LIFR: variants seen among roughly 807,000 people sequenced by gnomAD.
LIFR encodes LIF receptor subunit alpha.
A neutral mutation model predicts 122.2 loss-of-function variants in LIFR; 84 were observed. The ratio of observed to expected loss-of-function variants is 0.69; its 90% CI spans 0.58 to 0.82. LIFR has a LOEUF of 0.82. Ranked by LOEUF, LIFR falls within the 40% of genes least tolerant of loss-of-function variation. The pLI is 0.00. For synonymous variants in LIFR, 422 were observed against 434.7 expected, an observed-to-expected ratio of 0.97 and a Z score of 0.36; for missense variants, 1,294 against 1,311.6, an observed-to-expected ratio of 0.99 and a Z score of 0.21.
At chr5:38,603,089 A>T (rs1750254520) in intron 2 of LIFR, among the ~76,000 whole-genome samples, 2 of 152,184 alleles carry the variant, frequency 1.3e-5, no homozygotes, top group Admixed American at 1.3e-4. Flanking sequence ...ACCCTAAGGG[A>T]AAAGGGTACA....
At chr5:38,572,730 C>T (rs894256838) in intron 1 of LIFR, among the ~76,000 whole-genome samples, 3 of 152,300 alleles carry the variant, frequency 2.0e-5, no homozygotes, top group African/African-American at 7.2e-5. Context: ...TGGTTGTTAA[C>T]AATAGCTACC....
chr5:38,516,578 G>A (rs1426501318), intron 5 of LIFR, among the ~76,000 whole-genome samples: 1 of 152,204 alleles, frequency 6.6e-6, no homozygotes, highest in African/African-American at 2.4e-5. Flanking sequence ...AGAGGATGTG[G>A]AGAAATAGGA....
At chr5:38,499,418 G>C (rs1745058221) in intron 12 of LIFR, 95 bp downstream of exon 12, 2 of 844,360 alleles carry the variant, frequency 2.4e-6, no homozygotes, top group South Asian at 2.8e-5. Flanking sequence ...AAGCCAGTCT[G>C]GGAAGTTTCA....
chr5:38,517,705 A>C (rs1746160969), intron 5 of LIFR, among the ~76,000 whole-genome samples: 1 of 151,474 alleles, frequency 6.6e-6, no homozygotes, highest in African/African-American at 2.4e-5. Flanking sequence ...AAAATACAAA[A>C]AGTTAGTCGG....
Position 38,502,783 on chromosome 5 carries a change from T to C in LIFR, c.1454A>G (p.Lys485Arg), listed in dbSNP as rs751771738. Reference sequence around the variant, plus strand: ...AAGATAACTTGAATTTTCTACTCCTTTGATTGTGACATTCCGCTATTGGAA... The same window carrying C: ...AAGATAACTTGAATTTTCTACTCCTCTGATTGTGACATTCCGCTATTGGAA... ...SVQEQRNVTI[K>R]GVENSSYLVA... The change falls in exon 11 of 20, where the codon AAA becomes AGA. Residue 485 changes from lysine to arginine, a missense_variant. Coordinates refer to ENST00000453190, the MANE Select transcript of LIFR (RefSeq NM_001127671.2). 7 of 1,599,516 alleles carry C rather than the reference T, an allele frequency of 4.4e-6. No homozygotes were observed. The highest frequency in any genetic ancestry group is 4.5e-5 in the East Asian group (2 of 44,712).
At chr5:38,556,994 A>T (rs1748614870), upstream of LIFR, 1 of 152,166 alleles carries the variant, frequency 6.6e-6, no homozygotes, top group Non-Finnish European at 1.5e-5. Flanking sequence ...GCCTCCCCGA[A>T]TGCGGCCGCT....
Position 38,574,070 on chromosome 5 carries a change from G to A in LIFR, c.-20+21191C>T, listed in dbSNP as rs555902279. Among the ~76,000 whole-genome samples, 57 of 152,002 alleles carry A rather than the reference G, an allele frequency of 3.7e-4. 1 individual carries two copies. The highest frequency in any genetic ancestry group is 3.8e-4 in the Non-Finnish European group (26 of 67,934). On this transcript the variant is annotated intron_variant, in intron 1 of 19. Coordinates refer to the LIFR transcript ENST00000263409. ...GGCAGAGGTTGCAGTGAGCCGAGAT[G>A]GCACCACTGCTTTCCAGCCTGGGCA...
At chr5:38,556,127 A>T (rs1264923043) in intron 1 of LIFR, among the ~76,000 whole-genome samples, 1 of 152,128 alleles carries the variant, frequency 6.6e-6, no homozygotes, top group Non-Finnish European at 1.5e-5. Context: ...TGGGCGCTGG[A>T]GTCCGCGTCC....
upstream of LIFR, among the ~76,000 whole-genome samples, chr5:38,596,089 G>A (rs1750091393): frequency 1.3e-5 from 2 of 152,186 alleles, no homozygotes; most frequent in South Asian, 4.1e-4. Context: ...AAGGGAAGAT[G>A]AATTGTGATA....
Position 38,504,124 on chromosome 5 carries a change from G to A in LIFR, c.1292-3C>T, listed in dbSNP as rs368498212. 3 of 1,518,336 alleles carry A rather than the reference G, an allele frequency of 2.0e-6. No homozygotes were observed. Among genetic ancestry groups the A allele is most frequent in the Non-Finnish European group, 1.8e-6 (2 of 1,094,152 alleles). The allele number at this position is 1,518,336 out of a possible 1,614,324, so 94.1% of individuals were successfully genotyped here. ...TGAAGTAGGAGTATGGGGATAAACT[G>A]CAAATATAATTTTTAAAGATTAAAC... On this transcript the variant is annotated splice_region_variant and splice_polypyrimidine_tract_variant and intron_variant, in intron 9 of 19. Coordinates refer to ENST00000453190, the MANE Select transcript of LIFR (RefSeq NM_001127671.2).
chr5:38,509,519 G>C (rs892855967), intron 7 of LIFR, among the ~76,000 whole-genome samples: 10 of 152,184 alleles, frequency 6.6e-5, no homozygotes, highest in African/African-American at 2.4e-4. Flanking sequence ...AGTACTGTAT[G>C]AGTAAACGAG....
At position 38,480,799 on chromosome 5, in the gene LIFR, T is replaced by C; in HGVS notation, c.*796A>G. On this transcript the variant is annotated 3_prime_UTR_variant, in exon 20 of 20. Transcript: ENST00000453190. ...ATGATTTTTAAAAAATGTGGGTCTC[T>C]AGTCTTAGAAGTGTAAATTTTAAAT... 4.7e-6 allele frequency: 1 copy of C among 214,312 alleles called. No individual in the cohort carries two copies. The highest frequency in any genetic ancestry group is 9.4e-6 in the Non-Finnish European group (1 of 106,130). The allele number at this position is 214,312 out of a possible 1,614,324, so 13.3% of individuals were successfully genotyped here. A position where few individuals can be genotyped will look rare whatever the true frequency, so the allele number is the denominator to read the frequency against.
chr5:38,523,885 T>C (rs1332662022), intron 4 of LIFR, among the ~76,000 whole-genome samples: 1 of 152,170 alleles, frequency 6.6e-6, no homozygotes, highest in Non-Finnish European at 1.5e-5. Flanking sequence ...GGGGAACATA[T>C]ATATTATTTA....
intron 1 of LIFR, among the ~76,000 whole-genome samples, chr5:38,554,337 C>T (rs1033328767): frequency 3.9e-5 from 6 of 152,180 alleles, no homozygotes; most frequent in Non-Finnish European, 8.8e-5. Flanking sequence ...GGGGAGAAGG[C>T]ACACTTATTT....
intron 7 of LIFR, 67 bp downstream of exon 7, chr5:38,510,397 A>G: frequency 7.0e-7 from 1 of 1,432,488 alleles, no homozygotes; most frequent in Non-Finnish European, 9.7e-7. Flanking sequence ...ACTCCAGAAG[A>G]ATTAAGGCTT....
chr5:38,603,967 A>T (rs761199949), intron 2 of LIFR, among the ~76,000 whole-genome samples: 1 of 152,232 alleles, frequency 6.6e-6, no homozygotes, highest in Non-Finnish European at 1.5e-5. Flanking sequence ...ATCTCCAGCC[A>T]CAATACCGGA....
chr5:38,488,408 G>A (rs564920387), intron 16 of LIFR, among the ~76,000 whole-genome samples: 13 of 152,256 alleles, frequency 8.5e-5, no homozygotes, highest in African/African-American at 2.6e-4. Flanking sequence ...GGACATGAAA[G>A]CTCTCAAACT....
chr5:38,574,792 CCTAAG>C (rs1383307270), intron 1 of LIFR, among the ~76,000 whole-genome samples: 2 of 152,186 alleles, frequency 1.3e-5, no homozygotes, highest in Non-Finnish European at 2.9e-5. Context: ...ACAGTCTTTT[CCTAAG>C]CTCTGGACTT....
At chr5:38,553,864 C>A (rs889360269) in intron 1 of LIFR, among the ~76,000 whole-genome samples, 1 of 151,178 alleles carries the variant, frequency 6.6e-6, no homozygotes, top group African/African-American at 2.4e-5. Context: ...GCTGACGAGA[C>A]CCCAATTTTT....
Sources: gnomAD v4.1 joint callset for allele counts (sites outside exome capture counted in the v4.1 genomes callset) on GRCh38, gnomAD v4.1.1 for gene constraint, MANE v1.5 for transcripts, NCBI Gene and HGNC (gene_info 2026-07-23, HGNC 2026-07-21) for gene names.